SERGEF: variants seen among roughly 807,000 people sequenced by gnomAD.
SERGEF encodes secretion regulating guanine nucleotide exchange factor, also known as secretion-regulating guanine nucleotide exchange factor.
In SERGEF, 51 loss-of-function variants were observed where a neutral mutation model predicts 50.0. The ratio of observed to expected loss-of-function variants is 1.02; its 90% CI spans 0.81 to 1.29. The LOEUF (loss-of-function observed/expected upper bound fraction) is 1.29. Among genes scored for constraint, SERGEF ranks in the 50% most tolerant of loss-of-function variants. The probability of loss-of-function intolerance (pLI) is 0.00; values close to 1 mark genes in which losing one functional copy is unlikely to be tolerated. For missense variants in SERGEF, 521 were observed against 557.0 expected (o/e 0.94, Z 0.65); for synonymous variants, 205 against 212.4 (o/e 0.97, Z 0.30).
intron 10 of SERGEF, among the ~76,000 whole-genome samples, chr11:17,877,088 A>G (rs536795398): frequency 4.7e-4 from 72 of 152,242 alleles, no homozygotes; most frequent in Non-Finnish European, 8.7e-4. Context: ...TCAGAAAAGA[A>G]TGTGTGAGTC....
chr11:17,812,140 C>T (rs1318231819), intron 10 of SERGEF, among the ~76,000 whole-genome samples: 1 of 152,196 alleles, frequency 6.6e-6, no homozygotes, highest in Non-Finnish European at 1.5e-5. Context: ...CAGCCCCAAC[C>T]CACTTCTCCA....
intron 10 of SERGEF, among the ~76,000 whole-genome samples, chr11:17,790,316 C>G (rs939157583): frequency 5.9e-5 from 9 of 151,902 alleles, no homozygotes; most frequent in Middle Eastern, 3.4e-3. Context: ...TAAAGACTTA[C>G]ACAAATAGAA....
In SERGEF at chr11:17,933,306, G is replaced by A. The variant is rs7946761; in HGVS notation, c.1011+26164C>T. Among the ~76,000 whole-genome samples the A allele has an allele frequency of 3.8e-3, 579 of 152,230 alleles. 5 individuals carry two copies. The highest frequency in any genetic ancestry group is 0.013 in the African/African-American group (552 of 41,540). On this transcript the variant is annotated intron_variant, in intron 9 of 10. Coordinates refer to ENST00000265965, the MANE Select transcript of SERGEF (RefSeq NM_012139.4). ...CTTGGAGGGTTGTAAATTTAATAAT[G>A]TTGTTCCAATTCACTACTAGTCCTC...
chr11:17,900,573 T>C (rs1488719698), intron 9 of SERGEF, among the ~76,000 whole-genome samples: 3 of 152,218 alleles, frequency 2.0e-5, no homozygotes, highest in Non-Finnish European at 4.4e-5. Context: ...AATAACCTTT[T>C]TAGCTTATTG....
chr11:17,790,078 C>G (rs1440122539), intron 10 of SERGEF, among the ~76,000 whole-genome samples: 1 of 152,002 alleles, frequency 6.6e-6, no homozygotes, highest in Admixed American at 6.6e-5. Context: ...ACGCAGATCT[C>G]CACCCAGATT....
intron 10 of SERGEF, among the ~76,000 whole-genome samples, chr11:17,840,771 AT>A (rs1318289458): frequency 6.6e-6 from 1 of 152,138 alleles, no homozygotes; most frequent in Non-Finnish European, 1.5e-5. Context: ...CATCCTAGAG[AT>A]TTAGTATTCT....
At chr11:17,948,200 C>T (rs1183405773) in intron 9 of SERGEF, among the ~76,000 whole-genome samples, 1 of 151,930 alleles carries the variant, frequency 6.6e-6, no homozygotes, top group East Asian at 1.9e-4. Context: ...AATTCGTTTC[C>T]GAAAAACCAA....
intron 10 of SERGEF, among the ~76,000 whole-genome samples, chr11:17,807,894 A>C (rs977295245): frequency 1.3e-5 from 2 of 152,204 alleles, no homozygotes; most frequent in African/African-American, 4.8e-5. Context: ...ACTTAAGGGA[A>C]ATGAAGACCA....
intron 10 of SERGEF, among the ~76,000 whole-genome samples, chr11:17,851,706 A>T: frequency 6.6e-6 from 1 of 152,262 alleles, no homozygotes; most frequent in East Asian, 1.9e-4. Context: ...CAGTGACAGA[A>T]TCTTGCTGAA....
intron 10 of SERGEF, among the ~76,000 whole-genome samples, chr11:17,844,994 G>C (rs1308878740): frequency 6.6e-6 from 1 of 152,102 alleles, no homozygotes; most frequent in Non-Finnish European, 1.5e-5. Flanking sequence ...TGCATTCAAA[G>C]CTGTCCTGGG....
chr11:17,967,488 T>C (rs1452332309), intron 8 of SERGEF, among the ~76,000 whole-genome samples: 2 of 152,206 alleles, frequency 1.3e-5, no homozygotes, highest in East Asian at 3.8e-4. Context: ...CATAGAAGTA[T>C]TCCACACAGC....
intron 9 of SERGEF, among the ~76,000 whole-genome samples, chr11:17,950,563 G>T (rs866825694): frequency 6.6e-6 from 1 of 152,148 alleles, no homozygotes; most frequent in Non-Finnish European, 1.5e-5. Context: ...AGAGACAAGG[G>T]CTTACCAACT....
chr11:17,840,233 T>A (rs189535855), intron 10 of SERGEF, among the ~76,000 whole-genome samples: 6 of 152,356 alleles, frequency 3.9e-5, no homozygotes, highest in Admixed American at 2.0e-4. Flanking sequence ...GTATTTTAGA[T>A]ACACTACAGG....
At chr11:17,838,198 G>A (rs1850441141) in intron 10 of SERGEF, among the ~76,000 whole-genome samples, 1 of 152,216 alleles carries the variant, frequency 6.6e-6, no homozygotes, top group African/African-American at 2.4e-5. Context: ...AAAGAAGAAA[G>A]CCCTGTGGCT....
chr11:17,979,304 C>T (rs570506117), intron 8 of SERGEF, among the ~76,000 whole-genome samples: 1 of 152,340 alleles, frequency 6.6e-6, no homozygotes, highest in South Asian at 2.1e-4. Flanking sequence ...CGTGAACAGG[C>T]TGAGCACTGC....
chr11:17,826,866 A>G (rs2133849658), intron 10 of SERGEF, among the ~76,000 whole-genome samples: 1 of 152,290 alleles, frequency 6.6e-6, no homozygotes, highest in African/African-American at 2.4e-5. Context: ...CTTATGAAGC[A>G]TATCATATAT....
intron 9 of SERGEF, among the ~76,000 whole-genome samples, chr11:17,894,575 G>A (rs1226279280): frequency 6.6e-6 from 1 of 152,060 alleles, no homozygotes; most frequent in East Asian, 1.9e-4. Context: ...TTAATCACGC[G>A]GGATATATTT....
chr11:17,939,329 G>A (rs1467555692), intron 9 of SERGEF: 1 of 152,158 alleles, frequency 6.6e-6, no homozygotes, highest in Non-Finnish European at 1.5e-5. Context: ...AAGGAAAGTA[G>A]ACTTCATTAT....
chr11:17,894,923 T>C (rs1379096826), intron 9 of SERGEF, among the ~76,000 whole-genome samples: 1 of 152,176 alleles, frequency 6.6e-6, no homozygotes, highest in African/African-American at 2.4e-5. Context: ...TAGGGAAAAG[T>C]TCCCTGGGTG....
Sources: allele counts gnomAD v4.1 joint callset (sites outside exome capture counted in the v4.1 genomes callset), GRCh38; gene constraint gnomAD v4.1.1; transcripts MANE v1.5; gene names NCBI Gene and HGNC (gene_info 2026-07-23, HGNC 2026-07-21).